ACSM2A: variants seen among roughly 807,000 people sequenced by gnomAD.
The protein encoded by ACSM2A is acyl-CoA synthetase medium chain family member 2A.
ACSM2A carries 72 observed loss-of-function variants against 76.6 expected under a neutral mutation model. That is an observed-to-expected ratio of 0.94 (90% confidence interval 0.78 to 1.14). The LOEUF (loss-of-function observed/expected upper bound fraction) is 1.14. ACSM2A is among the 50% of genes most tolerant of loss of function. The pLI is 0.00. For synonymous variants in ACSM2A, 249 were observed against 255.9 expected (o/e 0.97, Z 0.26); for missense variants, 684 against 708.5 (o/e 0.97, Z 0.39).
rs866775768 is a variant in ACSM2A at position 20,482,152 on chromosome 16, A to G, written c.1510-906A>G. 586 of 150,060 alleles carry G rather than the reference A, an allele frequency of 3.9e-3. 2 individuals are homozygous for G. Among genetic ancestry groups the G allele is most frequent in the African/African-American group, 0.012 (483 of 38,788 alleles). The allele number at this position is 150,060 out of a possible 1,614,324, so 9.3% of individuals were successfully genotyped here. On this transcript the variant is annotated intron_variant, in intron 12 of 13. Transcript: ENST00000573854. ...TCTGTCTCAAAAAAAAAAAAAAAAA[A>G]AAAGAAAGAAAAAAAAAGAAAAAAA...
intron 10 of ACSM2A, among the ~76,000 whole-genome samples, chr16:20,478,992 T>G (rs1476788955): frequency 6.6e-6 from 1 of 152,176 alleles, no homozygotes; most frequent in Non-Finnish European, 1.5e-5. Context: ...CCCCAAGGGC[T>G]GCCTTTCCCT....
At chr16:20,458,511 T>C (rs2012345877) in intron 1 of ACSM2A, among the ~76,000 whole-genome samples, 1 of 145,564 alleles carries the variant, frequency 6.9e-6, no homozygotes, top group Non-Finnish European at 1.5e-5. Flanking sequence ...TTACATTATA[T>C]ATTATATAAT....
chr16:20,454,707 G>T (rs939205521), intron 1 of ACSM2A, among the ~76,000 whole-genome samples: 1 of 151,868 alleles, frequency 6.6e-6, no homozygotes, highest in African/African-American at 2.4e-5. Flanking sequence ...ACCCAAATGA[G>T]AAGGAACCAG....
rs1427746958 is a variant in ACSM2A, at chr16:20,469,719, A to C, written c.596A>C (p.Asn199Thr). The C allele has an allele frequency of 3.1e-6, 5 of 1,613,678 alleles. No homozygotes were observed. The highest frequency in any genetic ancestry group is 4.2e-6 in the Non-Finnish European group (5 of 1,179,770). The change falls in exon 4 of 14, where the codon AAT becomes ACT. Residue 199 changes from asparagine to threonine, a missense_variant and splice_region_variant. Physicochemically the swap from Asn to Thr is moderately conservative, Grantham distance 65 (BLOSUM62 0). This residue lies in a region of ACSM2A where 519 missense variants were observed against 549.5 expected (regional missense o/e 0.94). Coordinates refer to ENST00000573854, the MANE Select transcript of ACSM2A (RefSeq NM_001308172.2). ...DGWLNFKKLL[N>T]EASTTHHCVE... ...TGGCTGAACTTCAAGAAACTACTAA[A>C]GTGAGTATCTACATGTCTCAGCCTG...
intron 2 of ACSM2A, among the ~76,000 whole-genome samples, chr16:20,463,137 C>A (rs530210629): frequency 6.6e-6 from 1 of 150,512 alleles, no homozygotes; most frequent in African/African-American, 2.4e-5. Flanking sequence ...TGTTAAATGA[C>A]GAGTTAAGCT....
intron 12 of ACSM2A, chr16:20,481,260 G>A (rs1354732217): frequency 1.6e-5 from 5 of 314,874 alleles, no homozygotes; most frequent in Non-Finnish European, 3.0e-5. Flanking sequence ...ATATCAAGAA[G>A]ATGTCCACAC....
In ACSM2A at chr16:20,460,241, A is replaced by G; in HGVS notation, c.127A>G (p.Lys43Glu). 1 of 1,613,616 alleles carries G rather than the reference A, an allele frequency of 6.2e-7. No homozygotes were observed. Among genetic ancestry groups the G allele is most frequent in the Non-Finnish European group, 8.5e-7 (1 of 1,179,762 alleles). The change falls in exon 2 of 14, where the codon AAG (lysine) becomes GAG (glutamate). Residue 43 changes from lysine to glutamate, a missense_variant. Lys to Glu is a moderately conservative substitution (Grantham distance 56). Coordinates refer to ENST00000573854, the MANE Select transcript of ACSM2A (RefSeq NM_001308172.2). ...LQWGHQEVPA[K>E]FNFASDVLDH... The stretch of plus-strand genomic sequence containing the variant: ...GTGGGGCCACCAGGAAGTGCCGGCC[A>G]AGTTTAACTTTGCTAGTGATGTGTT...
At chr16:20,471,727 G>A (rs748687627) in intron 6 of ACSM2A, 38 bp downstream of exon 6, 2 of 1,585,390 alleles carry the variant, frequency 1.3e-6, no homozygotes, top group African/African-American at 1.4e-5. Context: ...TATTCAGAGT[G>A]AGCCCGAGGT....
In ACSM2A at chr16:20,487,211, T is replaced by C. The variant is rs943169711; in HGVS notation, c.*533T>C. ...AAATAAAAATAGTAAAAGAAACTGATAAAGAAAAGTAATGGAAGACAGGAA... is the reference window on the plus strand; with the variant it reads ...AAATAAAAATAGTAAAAGAAACTGACAAAGAAAAGTAATGGAAGACAGGAA... On this transcript the variant is annotated 3_prime_UTR_variant, in exon 14 of 14. Coordinates refer to ENST00000573854, the MANE Select transcript of ACSM2A (RefSeq NM_001308172.2). 6.6e-6 allele frequency: 1 copy of C among 151,038 alleles called. No individual in the cohort carries two copies. The highest frequency in any genetic ancestry group is 2.4e-5 in the African/African-American group (1 of 40,964). 9.4% of individuals were successfully genotyped at this position (151,038 alleles called of 1,614,324 possible). A position where few individuals can be genotyped will look rare whatever the true frequency, so the allele number is the denominator to read the frequency against.
In ACSM2A at chr16:20,460,175, C is replaced by G. The variant is rs769438390; in HGVS notation, c.61C>G (p.Arg21Gly). 6.2e-7 allele frequency: 1 copy of G among 1,613,282 alleles called. No homozygotes were observed. The highest frequency in any genetic ancestry group is 8.5e-7 in the Non-Finnish European group (1 of 1,179,542). Residue 21 changes from arginine (R) to glycine (G), a missense_variant, in exon 2 of 14, where the codon CGC (arginine) becomes GGC (glycine). Arg to Gly is a moderately radical substitution (Grantham distance 125). Around this residue, in one of 3 missense-constraint regions of ACSM2A, gnomAD observed 519 missense variants for 549.5 expected, o/e 0.94. Coordinates refer to ENST00000573854, the MANE Select transcript of ACSM2A (RefSeq NM_001308172.2). ...CTLWGTQMSS[R>G]TLYINSRQLV... ...CCTGTGGGGTACTCAGATGTCCAGC[C>G]GCACTCTCTACATTAATAGTAGGCA... is the stretch of plus-strand genomic sequence containing the variant.
At chr16:20,486,461 G>A (rs1341681487) in intron 13 of ACSM2A, 113 bp from the exon 14 acceptor site, 7 of 1,161,290 alleles carry the variant, frequency 6.0e-6, no homozygotes, top group South Asian at 5.5e-5. Context: ...CAGGGCAGCT[G>A]CCCTGAAGTG....
Position 20,471,101 on chromosome 16 carries a change from G to A in ACSM2A, c.625G>A (p.Glu209Lys), listed in dbSNP as rs1166583937. 2.5e-6 allele frequency: 4 copies of A among 1,613,602 alleles called. No homozygotes were observed. Among genetic ancestry groups the A allele is most frequent in the Non-Finnish European group, 3.4e-6 (4 of 1,179,660 alleles). ...GGCATCCACCACTCATCACTGTGTGGAGACTGGAAGCCAGGAAGCATCTGC... is the reference window on the plus strand; with the variant it reads ...GGCATCCACCACTCATCACTGTGTGAAGACTGGAAGCCAGGAAGCATCTGC... ...NEASTTHHCV[E>K]TGSQEASAIY... Residue 209 changes from glutamate to lysine, a missense_variant, in exon 5 of 14, where the codon GAG becomes AAG. Physicochemically the swap from Glu to Lys is moderately conservative, Grantham distance 56 (BLOSUM62 1). This residue lies in a region of ACSM2A where 519 missense variants were observed against 549.5 expected (regional missense o/e 0.94). Transcript: ENST00000573854.
intron 4 of ACSM2A, among the ~76,000 whole-genome samples, 153 bp downstream of exon 4, chr16:20,469,872 ATTTTTTTTTTTTT>A (rs35674523): frequency 5.9e-5 from 4 of 67,746 alleles, no homozygotes; most frequent in Non-Finnish European, 8.1e-5. Flanking sequence ...ACACAAGGGT[ATTTTTTTTTTTTT>A]TTTTTTTTTT....
At chr16:20,473,592 A>G (rs1376723345) in intron 6 of ACSM2A, among the ~76,000 whole-genome samples, 3 of 152,134 alleles carry the variant, frequency 2.0e-5, no homozygotes, top group Non-Finnish European at 2.9e-5. Flanking sequence ...TTTTGCTTAA[A>G]CCATTGCCAT....
chr16:20,471,302 G>A, intron 5 of ACSM2A, 86 bp downstream of exon 5: 3 of 1,539,678 alleles, frequency 1.9e-6, no homozygotes, highest in Non-Finnish European at 2.6e-6. Flanking sequence ...ATTAAGTCAG[G>A]TCAACCGGGG....
rs542244831 is a variant in ACSM2A, at chr16:20,486,688, G to A, written c.*10G>A. The A allele has an allele frequency of 6.2e-7, 1 of 1,613,876 alleles. No individual in the cohort carries two copies. Among genetic ancestry groups the A allele is most frequent in the South Asian group, 1.1e-5 (1 of 91,054 alleles). On this transcript the variant is annotated 3_prime_UTR_variant, in exon 14 of 14. Transcript: ENST00000573854. ...AGCCCGTGCGCAGTGAGACATCTAA[G>A]AGACATTCATTTGGATTCCCCTCTT... is the stretch of plus-strand genomic sequence containing the variant.
chr16:20,473,849 G>A (rs9933872), intron 6 of ACSM2A: 106,639 of 295,072 alleles, frequency 0.36, 22,780 homozygotes, highest in East Asian at 0.78. Context: ...ATTACAACCT[G>A]TTCTGTCTAA....
chr16:20,458,905 C>CATAT (rs72108144), intron 1 of ACSM2A, among the ~76,000 whole-genome samples: 5,929 of 74,548 alleles, frequency 0.08, 202 homozygotes, highest in Middle Eastern at 0.13. Context: ...TATATATATG[C>CATAT]ATATATATAT....
intron 2 of ACSM2A, 79 bp downstream of exon 2, chr16:20,460,370 TG>T (rs1287639108): frequency 6.7e-7 from 1 of 1,502,844 alleles, no homozygotes; most frequent in African/African-American, 1.4e-5. Flanking sequence ...AGTAAATATT[TG>T]TTAAGTACTT....
Sources: allele counts gnomAD v4.1 joint callset (sites outside exome capture counted in the v4.1 genomes callset), GRCh38; gene constraint gnomAD v4.1.1; regional missense constraint gnomAD v4.1.1; transcripts MANE v1.5; gene names NCBI Gene and HGNC (gene_info 2026-07-23, HGNC 2026-07-21).